BCAP29: variants seen among roughly 807,000 people sequenced by gnomAD.
BCAP29 encodes the protein B cell receptor associated protein 29.
Under a neutral mutation model 31.8 loss-of-function variants are expected in BCAP29, and 34 were observed. That is an observed-to-expected ratio of 1.07 (90% confidence interval 0.81 to 1.42). BCAP29 has a LOEUF of 1.42. Among genes scored for constraint, BCAP29 ranks in the 40% most tolerant of loss-of-function variants. BCAP29 has a pLI of 0.00. For synonymous variants in BCAP29, 104 were observed against 91.3 expected (o/e 1.14, Z -0.79); for missense variants, 314 against 269.2 (o/e 1.17, Z -1.16).
At chr7:107,586,728 C>CCTTTTTT in intron 3 of BCAP29, among the ~76,000 whole-genome samples, 1 of 131,590 alleles carries the variant, frequency 7.6e-6, no homozygotes, top group African/African-American at 2.8e-5. Flanking sequence ...TGTATTTATT[C>CCTTTTTT]TTTTTTTTTT....
intron 6 of BCAP29, among the ~76,000 whole-genome samples, chr7:107,603,115 G>T (rs1052891619): frequency 1.3e-5 from 2 of 151,610 alleles, no homozygotes; most frequent in African/African-American, 4.8e-5. Context: ...GACTACAGGC[G>T]CCTGCCGCCA....
downstream of BCAP29, chr7:107,620,714 C>T (rs1284562901): frequency 1.3e-5 from 2 of 152,124 alleles, no homozygotes; most frequent in African/African-American, 2.4e-5. Flanking sequence ...ATGAGTTATC[C>T]TTGTTGTTTG....
chr7:107,601,571 T>A (rs1382348371), intron 6 of BCAP29, among the ~76,000 whole-genome samples: 1 of 152,188 alleles, frequency 6.6e-6, no homozygotes, highest in African/African-American at 2.4e-5. Flanking sequence ...AGCCCAAAAT[T>A]CAAGAATCTT....
downstream of BCAP29, chr7:107,621,639 G>T: frequency 2.2e-6 from 1 of 464,980 alleles, no homozygotes; most frequent in Non-Finnish European, 4.5e-6. Flanking sequence ...GAAGCAAAGG[G>T]AGATATTACC....
intron 7 of BCAP29, among the ~76,000 whole-genome samples, chr7:107,614,489 T>C (rs1177225911): frequency 6.6e-6 from 1 of 152,230 alleles, no homozygotes; most frequent in Non-Finnish European, 1.5e-5. Flanking sequence ...TGTAGGTTTT[T>C]TAGCACTATG....
chr7:107,621,527 CTT>C (rs1475089405), downstream of BCAP29: 2 of 364,788 alleles, frequency 5.5e-6, no homozygotes, highest in Non-Finnish European at 5.5e-6. Flanking sequence ...GAAATGTTCT[CTT>C]CTATAGCAAA....
chr7:107,603,923 A>G (rs1263460600), intron 6 of BCAP29, among the ~76,000 whole-genome samples: 1 of 152,048 alleles, frequency 6.6e-6, no homozygotes, highest in Non-Finnish European at 1.5e-5. Flanking sequence ...TTTTAAAAGA[A>G]CTTTTCAAGT....
chr7:107,585,670 G>GAAC (rs1807523149), intron 3 of BCAP29, among the ~76,000 whole-genome samples: 1 of 152,146 alleles, frequency 6.6e-6, no homozygotes, highest in Non-Finnish European at 1.5e-5. Context: ...GAGGGGAGTT[G>GAAC]TAGTATAAGT....
At chr7:107,580,373 A>G in intron 1 of BCAP29, 72 bp downstream of exon 1, 1 of 171,670 alleles carries the variant, frequency 5.8e-6, no homozygotes, top group South Asian at 1.5e-4. Context: ...CCTGGTCTGG[A>G]GAACCCCGCG....
At chr7:107,599,256 ATT>A (rs1216767146) in intron 5 of BCAP29, among the ~76,000 whole-genome samples, 8 of 122,042 alleles carry the variant, frequency 6.6e-5, no homozygotes, top group African/African-American at 2.8e-4. Context: ...AATATATATA[ATT>A]TTTATATATA....
chr7:107,615,519 C>T (rs914910206), intron 7 of BCAP29: 5 of 326,068 alleles, frequency 1.5e-5, no homozygotes, highest in African/African-American at 1.1e-4. Flanking sequence ...TCACTTGAAC[C>T]TGGGAGGCAG....
intron 6 of BCAP29, among the ~76,000 whole-genome samples, chr7:107,609,247 C>T (rs1055686402): frequency 6.6e-6 from 1 of 152,114 alleles, no homozygotes; most frequent in Non-Finnish European, 1.5e-5. Context: ...AAGATGGAAC[C>T]AGTGGAGAGA....
At chr7:107,607,137 G>A (rs1215388284) in intron 6 of BCAP29, among the ~76,000 whole-genome samples, 1 of 152,144 alleles carries the variant, frequency 6.6e-6, no homozygotes, top group Non-Finnish European at 1.5e-5. Context: ...CAAATATGGT[G>A]AAACACTGTC....
intron 2 of BCAP29, among the ~76,000 whole-genome samples, chr7:107,581,158 T>C (rs1057343242): frequency 6.6e-6 from 1 of 152,346 alleles, no homozygotes; most frequent in Non-Finnish European, 1.5e-5. Flanking sequence ...CCCTGCCTTG[T>C]CTCAGGTTTT....
At chr7:107,590,518 A>G (rs1323797229) in intron 3 of BCAP29, among the ~76,000 whole-genome samples, 1 of 152,148 alleles carries the variant, frequency 6.6e-6, no homozygotes, top group African/African-American at 2.4e-5. Flanking sequence ...TGACACGATT[A>G]TTTATATAGA....
chr7:107,604,503 T>C lies in BCAP29; in HGVS notation c.589+3998T>C, dbSNP rs112650976. Among the ~76,000 whole-genome samples the C allele has an allele frequency of 3.1e-3, 473 of 152,296 alleles. 5 individuals are homozygous for C. Among genetic ancestry groups the C allele is most frequent in the African/African-American group, 0.011 (444 of 41,580 alleles). ...TCCAGTTTCTTACAAATGAACCATA[T>C]ATTCATCTAAAAATAAATTCTAAGT... On this transcript the variant is annotated intron_variant, in intron 6 of 7. Coordinates refer to ENST00000005259, the MANE Select transcript of BCAP29 (RefSeq NM_018844.4).
At chr7:107,597,529 A>C (rs1408425944) in intron 5 of BCAP29, among the ~76,000 whole-genome samples, 1 of 152,204 alleles carries the variant, frequency 6.6e-6, no homozygotes, top group Non-Finnish European at 1.5e-5. Context: ...ATAATAGTTA[A>C]CATTGTGCCA....
At chr7:107,588,504 T>TA in intron 3 of BCAP29, among the ~76,000 whole-genome samples, 1 of 152,294 alleles carries the variant, frequency 6.6e-6, no homozygotes. Context: ...TCTCCTGTGT[T>TA]AAAAATTATG....
At chr7:107,608,231 G>A (rs977951608) in intron 6 of BCAP29, among the ~76,000 whole-genome samples, 5 of 151,840 alleles carry the variant, frequency 3.3e-5, no homozygotes, top group African/African-American at 7.3e-5. Flanking sequence ...GGGAAGTTAC[G>A]CTCAACCTCC....
Sources: allele counts gnomAD v4.1 joint callset (sites outside exome capture counted in the v4.1 genomes callset), GRCh38; gene constraint gnomAD v4.1.1; transcripts MANE v1.5; gene names NCBI Gene and HGNC (gene_info 2026-07-23, HGNC 2026-07-21).